The following SEMA3A variants were observed in gnomAD, a reference collection of about 807,000 sequenced individuals.
SEMA3A encodes the protein semaphorin 3A, also known as semaphorin-3A.
A neutral mutation model predicts 97.9 loss-of-function variants in SEMA3A; 29 were observed. The observed-to-expected ratio is 0.30, with a 90% CI of 0.22 to 0.40. The LOEUF is 0.40. SEMA3A is among the 10% of genes least tolerant of loss of function. The pLI is 1.00. For missense variants in SEMA3A, 763 were observed against 951.3 expected, an observed-to-expected ratio of 0.80 and a Z score of 2.60; for synonymous variants, 321 against 323.7, an observed-to-expected ratio of 0.99 and a Z score of 0.09.
intron 4 of SEMA3A, among the ~76,000 whole-genome samples, chr7:84,073,278 G>C (rs191693583): frequency 2.6e-5 from 4 of 152,174 alleles, no homozygotes; most frequent in Non-Finnish European, 5.9e-5. Flanking sequence ...GTGGGTGTGT[G>C]TGTCTGTGTG....
intron 1 of SEMA3A, among the ~76,000 whole-genome samples, chr7:84,376,591 G>C (rs573128441): frequency 2.5e-5 from 2 of 81,180 alleles, no homozygotes; most frequent in Non-Finnish European, 4.3e-5. Context: ...GCGACAGAGC[G>C]AGACTCCGTC....
At chr7:84,270,633 T>C (rs1800123739) in intron 3 of SEMA3A, among the ~76,000 whole-genome samples, 1 of 148,000 alleles carries the variant, frequency 6.8e-6, no homozygotes, top group Non-Finnish European at 1.5e-5. Flanking sequence ...ATATATTCTA[T>C]TCATATATAT....
At chr7:84,073,989 T>G (rs1182613071) in intron 4 of SEMA3A, among the ~76,000 whole-genome samples, 1 of 152,140 alleles carries the variant, frequency 6.6e-6, no homozygotes, top group Non-Finnish European at 1.5e-5. Context: ...TAACACAGTG[T>G]AATTTTAAGG....
chr7:83,982,128 G>A (rs558605415), intron 13 of SEMA3A, among the ~76,000 whole-genome samples: 58 of 152,274 alleles, frequency 3.8e-4, no homozygotes, highest in Non-Finnish European at 6.9e-4. Context: ...AAAAGCTGAA[G>A]TGTTGTGGAA....
intron 15 of SEMA3A, among the ~76,000 whole-genome samples, chr7:83,968,904 A>G (rs184984044): frequency 0.028 from 3,835 of 136,058 alleles, 96 homozygotes; most frequent in Middle Eastern, 0.074. Context: ...TCCGCCTCCC[A>G]GGTTCAAACA....
chr7:84,105,902 C>T (rs186752191), intron 4 of SEMA3A, among the ~76,000 whole-genome samples: 11 of 152,292 alleles, frequency 7.2e-5, no homozygotes, highest in Non-Finnish European at 1.6e-4. Flanking sequence ...GATAAACACA[C>T]ACATGTGTAT....
intron 1 of SEMA3A, among the ~76,000 whole-genome samples, chr7:84,180,898 A>G (rs1284973418): frequency 1.3e-5 from 2 of 152,044 alleles, no homozygotes; most frequent in East Asian, 3.9e-4. Context: ...TTCTTGAAAT[A>G]TTGTCAGTTT....
chr7:84,452,918 T>TC, intron 1 of SEMA3A, among the ~76,000 whole-genome samples: 1 of 152,132 alleles, frequency 6.6e-6, no homozygotes, highest in South Asian at 2.1e-4. Context: ...GGGCCTTTTT[T>TC]GGGGGGGAAG....
intron 3 of SEMA3A, among the ~76,000 whole-genome samples, chr7:84,215,697 C>A (rs774577844): frequency 1.3e-5 from 2 of 152,158 alleles, no homozygotes; most frequent in African/African-American, 2.4e-5. Flanking sequence ...ATTCCATATT[C>A]CTAGCATTTG....
chr7:84,081,859 TG>T (rs1346258468), intron 4 of SEMA3A, among the ~76,000 whole-genome samples: 54 of 152,220 alleles, frequency 3.5e-4, no homozygotes, highest in African/African-American at 1.3e-3. Flanking sequence ...TAATGTTACA[TG>T]TTATATTTAT....
At chr7:84,003,534 GACATTCA>G (rs1384877513) in intron 11 of SEMA3A, among the ~76,000 whole-genome samples, 1 of 152,096 alleles carries the variant, frequency 6.6e-6, no homozygotes, top group Non-Finnish European at 1.5e-5. Context: ...CACATCATCA[GACATTCA>G]ACACACTCAT....
chr7:84,272,786 G>A (rs1800184766), intron 3 of SEMA3A, among the ~76,000 whole-genome samples: 1 of 152,028 alleles, frequency 6.6e-6, no homozygotes, highest in African/African-American at 2.4e-5. Flanking sequence ...CCTAGGCATC[G>A]CCAAGCAAAT....
At chr7:84,235,564 T>C (rs1039140850) in intron 3 of SEMA3A, among the ~76,000 whole-genome samples, 4 of 152,088 alleles carry the variant, frequency 2.6e-5, no homozygotes, top group Admixed American at 2.6e-4. Context: ...AGAAAAATGA[T>C]ACAGTAAACG....
At chr7:84,005,675 T>TG in intron 10 of SEMA3A, 117 bp from the exon 11 acceptor site, 5 of 705,934 alleles carry the variant, frequency 7.1e-6, no homozygotes, top group Non-Finnish European at 9.1e-6. Flanking sequence ...AGGCCAGGTA[T>TG]GGTAGCTCAC....
intron 1 of SEMA3A, among the ~76,000 whole-genome samples, chr7:84,425,496 TGCATATAATATATTCATATGAATATAA>T (rs1426782597): frequency 1.4e-5 from 2 of 142,456 alleles, no homozygotes; most frequent in East Asian, 4.0e-4. Flanking sequence ...TATAATTATA[TGCATATAATATATTCATATGAATATAA>T]GCATAAACGT....
At position 84,446,203 on chromosome 7, in the gene SEMA3A, G is replaced by A. The variant is rs1177652215; in HGVS notation, c.-246+46257C>T. Among the ~76,000 whole-genome samples the A allele has an allele frequency of 2.6e-5, 4 of 152,260 alleles. No homozygotes were observed. In the East Asian group the frequency reaches 7.7e-4, roughly 29 times the overall value. On this transcript the variant is annotated intron_variant, in intron 1 of 3. Coordinates refer to the SEMA3A transcript ENST00000424555. ...AATAACTAATATGGAGATTAAATCA[G>A]TATTCAAACATCTCTTGATAAAGAA...
At chr7:84,386,125 C>T (rs961977680) in intron 1 of SEMA3A, among the ~76,000 whole-genome samples, 1 of 152,164 alleles carries the variant, frequency 6.6e-6, no homozygotes, top group African/African-American at 2.4e-5. Context: ...GATCACTCAA[C>T]TGATACCAAA....
intron 13 of SEMA3A, among the ~76,000 whole-genome samples, chr7:83,983,834 C>G (rs770725982): frequency 9.9e-5 from 15 of 152,142 alleles, no homozygotes; most frequent in Non-Finnish European, 1.6e-4. Context: ...TCCTCCTTAA[C>G]AAAGTGTGGG....
intron 2 of SEMA3A, among the ~76,000 whole-genome samples, chr7:84,343,590 G>T (rs1204978356): frequency 6.6e-6 from 1 of 152,124 alleles, no homozygotes; most frequent in Non-Finnish European, 1.5e-5. Flanking sequence ...AAATGTGTCT[G>T]GTGAGGATAA....
Sources: allele counts gnomAD v4.1 joint callset (sites outside exome capture counted in the v4.1 genomes callset), GRCh38; gene constraint gnomAD v4.1.1; transcripts MANE v1.5; gene names NCBI Gene and HGNC (gene_info 2026-07-23, HGNC 2026-07-21).